The following TMEM132B variants were observed in gnomAD, a reference collection of about 807,000 sequenced individuals.
TMEM132B encodes the protein transmembrane protein 132B.
Under a neutral mutation model 90.8 loss-of-function variants are expected in TMEM132B, and 18 were observed. That is an observed-to-expected ratio of 0.20 (90% CI 0.14 to 0.29). The LOEUF (loss-of-function observed/expected upper bound fraction) is 0.29. Among genes scored for constraint, TMEM132B ranks in the 10% least tolerant of loss-of-function variants. TMEM132B has a pLI of 1.00. For synonymous variants in TMEM132B, 504 were observed against 523.3 expected (o/e 0.96, Z 0.50); for missense variants, 1,096 against 1,326.8 (o/e 0.83, Z 2.70).
intron 2 of TMEM132B, among the ~76,000 whole-genome samples, chr12:125,354,563 C>G (rs1416655305): frequency 1.3e-5 from 2 of 152,140 alleles, no homozygotes; most frequent in South Asian, 4.1e-4. Context: ...TGATTCAGTA[C>G]TGGGATAAAA....
At position 125,655,460 on chromosome 12, in the gene TMEM132B, C is replaced by G. The variant is rs1887036866; in HGVS notation, c.*750C>G. On this transcript the variant is annotated 3_prime_UTR_variant, in exon 9 of 9. Transcript: ENST00000682704. ...TGTTGTTGAACTTTCTTGTATAACA[C>G]TGGGACAAAGGGTTTTACTTAAAAT... 6.6e-6 allele frequency: 1 copy of G among 152,192 alleles called. No individual in the cohort carries two copies. The highest frequency in any genetic ancestry group is 1.5e-5 in the Non-Finnish European group (1 of 68,030). The allele number at this position is 152,192 out of a possible 1,614,324, so 9.4% of individuals were successfully genotyped here.
At chr12:125,522,858 A>G (rs1236571040) in intron 4 of TMEM132B, among the ~76,000 whole-genome samples, 1 of 152,194 alleles carries the variant, frequency 6.6e-6, no homozygotes, top group East Asian at 1.9e-4. Context: ...TATCGTGCCC[A>G]TTGGAAAAGC....
chr12:125,547,931 C>T (rs1379636102), intron 4 of TMEM132B, among the ~76,000 whole-genome samples: 1 of 152,214 alleles, frequency 6.6e-6, no homozygotes, highest in African/African-American at 2.4e-5. Flanking sequence ...TTAAAGGAAA[C>T]TGAGCTATGC....
intron 1 of TMEM132B, among the ~76,000 whole-genome samples, chr12:125,346,188 G>A (rs1004418408): frequency 6.6e-6 from 1 of 152,180 alleles, no homozygotes; most frequent in Non-Finnish European, 1.5e-5. Context: ...CTACAATGAA[G>A]AAGAGAAGGT....
chr12:125,517,436 C>T (rs965113543), intron 3 of TMEM132B, among the ~76,000 whole-genome samples: 2 of 149,920 alleles, frequency 1.3e-5, no homozygotes, highest in South Asian at 4.2e-4. Flanking sequence ...TCGTGATCCA[C>T]CCGCCTCGGC....
At chr12:125,434,113 T>A (rs1463958970) in intron 3 of TMEM132B, among the ~76,000 whole-genome samples, 1 of 152,228 alleles carries the variant, frequency 6.6e-6, no homozygotes, top group East Asian at 1.9e-4. Context: ...GACAGCTCTC[T>A]GGGAGGGTCT....
In TMEM132B at chr12:125,251,944, GA is replaced by G. The variant is rs1258160751; in HGVS notation, c.67+65080del. Among the ~76,000 whole-genome samples the G allele has an allele frequency of 1.3e-5, 2 of 152,234 alleles. No individual in the cohort carries two copies. The highest frequency in any genetic ancestry group is 4.8e-5 in the African/African-American group (2 of 41,446). ...GCCTGAAGGCCTTTATGCATGATCT[GA>G]AGTTATCTAGAATTTGGGAGCTGGA... On this transcript the variant is annotated intron_variant, in intron 1 of 8. Coordinates refer to ENST00000682704, the MANE Select transcript of TMEM132B (RefSeq NM_001366854.1). The surrounding 1 kb of genome is among the most constrained non-coding windows in gnomAD (Gnocchi z 4.4).
intron 1 of TMEM132B, among the ~76,000 whole-genome samples, chr12:125,314,926 G>C (rs1327066949): frequency 6.6e-6 from 1 of 152,228 alleles, no homozygotes; most frequent in Non-Finnish European, 1.5e-5. Context: ...GCTGGAGAGG[G>C]GAGTCTGGGG....
chr12:125,430,114 C>T (rs559400828), intron 3 of TMEM132B, among the ~76,000 whole-genome samples: 74 of 152,314 alleles, frequency 4.9e-4, no homozygotes, highest in African/African-American at 1.6e-3. Flanking sequence ...TGCCTGACAC[C>T]ACGCCTGACC....
At chr12:125,504,660 C>T (rs1882785137) in intron 3 of TMEM132B, among the ~76,000 whole-genome samples, 1 of 152,036 alleles carries the variant, frequency 6.6e-6, no homozygotes, top group Admixed American at 6.6e-5. Context: ...ACTATAAACT[C>T]AGGAGAAAAT....
intron 1 of TMEM132B, among the ~76,000 whole-genome samples, chr12:125,275,006 GT>G (rs1356722815): frequency 1.2e-4 from 19 of 152,314 alleles, no homozygotes; most frequent in Non-Finnish European, 2.2e-4. Context: ...AGCTAGGAAG[GT>G]GGGACATGGT....
chr12:125,288,153 T>C (rs112954916), intron 1 of TMEM132B, among the ~76,000 whole-genome samples: 20,704 of 150,958 alleles, frequency 0.14, 1,583 homozygotes, highest in African/African-American at 0.2. Flanking sequence ...GGATTACAGG[T>C]GTGAGCCACT....
chr12:125,349,575 A>T lies in TMEM132B; in HGVS notation c.191A>T (p.Asp64Val). The change falls in exon 2 of 9, where the codon GAC becomes GTC. Residue 64 changes from aspartate (D) to valine (V), a missense_variant. By Grantham distance (152) the Asp-to-Val change is radical. Transcript: ENST00000682704. The surrounding 1 kb of genome is among the most constrained non-coding windows in gnomAD (Gnocchi z 4.1). Reference protein sequence around the residue: ...ESFFLKEANQDLTRNSSLQAR... With the variant: ...ESFFLKEANQVLTRNSSLQAR... Reference sequence around the variant, plus strand: ...TTTTTCCTTAAAGAAGCCAACCAAGACCTCACAAGGAACTCCAGTCTGCAG... The same window carrying T: ...TTTTTCCTTAAAGAAGCCAACCAAGTCCTCACAAGGAACTCCAGTCTGCAG... The T allele has an allele frequency of 6.2e-7, 1 of 1,613,958 alleles. No individual in the cohort carries two copies. Among genetic ancestry groups the T allele is most frequent in the Non-Finnish European group, 8.5e-7 (1 of 1,180,006 alleles).
chr12:125,608,632 A>G (rs956302504), intron 5 of TMEM132B, among the ~76,000 whole-genome samples: 1 of 152,236 alleles, frequency 6.6e-6, no homozygotes, highest in African/African-American at 2.4e-5. Context: ...TGTAATATCT[A>G]TGAAACCATT....
intron 6 of TMEM132B, among the ~76,000 whole-genome samples, chr12:125,648,555 T>C (rs116851235): frequency 0.018 from 2,800 of 151,444 alleles, 44 homozygotes; most frequent in South Asian, 0.043. Context: ...TCTGTTGTTG[T>C]TGTTGTTTTA....
intron 5 of TMEM132B, among the ~76,000 whole-genome samples, chr12:125,629,793 A>G (rs1463146501): frequency 2.0e-5 from 3 of 152,026 alleles, no homozygotes; most frequent in African/African-American, 7.2e-5. Flanking sequence ...TATGGCTTTT[A>G]TTATGTTGAA....
chr12:125,511,947 G>C (rs1882991960), intron 3 of TMEM132B, among the ~76,000 whole-genome samples: 1 of 152,092 alleles, frequency 6.6e-6, no homozygotes, highest in Non-Finnish European at 1.5e-5. Flanking sequence ...TCCAGTTGAG[G>C]TGAGGGTTCA....
At chr12:125,555,008 C>T (rs1235183652) in intron 4 of TMEM132B, among the ~76,000 whole-genome samples, 2 of 152,078 alleles carry the variant, frequency 1.3e-5, no homozygotes, top group African/African-American at 2.4e-5. Context: ...GAATAATGGA[C>T]GCACGACAAC....
At chr12:125,418,490 TA>T (rs1243061780) in intron 3 of TMEM132B, among the ~76,000 whole-genome samples, 2 of 152,216 alleles carry the variant, frequency 1.3e-5, no homozygotes, top group Non-Finnish European at 2.9e-5. Context: ...TTCCATCATC[TA>T]AATAAATAAT....
Sources: allele counts gnomAD v4.1 joint callset (sites outside exome capture counted in the v4.1 genomes callset), GRCh38; gene constraint gnomAD v4.1.1; non-coding constraint Gnocchi (gnomAD v3.1); transcripts MANE v1.5; gene names NCBI Gene and HGNC (gene_info 2026-07-23, HGNC 2026-07-21).